The following SDHA variants were observed in gnomAD, a reference collection of about 807,000 sequenced individuals.
SDHA encodes succinate dehydrogenase complex flavoprotein subunit A, also known as succinate dehydrogenase [ubiquinone] flavoprotein subunit, mitochondrial.
In SDHA, 48 loss-of-function variants were observed where a neutral mutation model predicts 78.4. The ratio of observed to expected loss-of-function variants is 0.61; its 90% confidence interval spans 0.49 to 0.78. The LOEUF is 0.78. SDHA is among the 30% of genes least tolerant of loss of function. SDHA has a pLI of 0.00. For missense variants in SDHA, 680 were observed against 892.7 expected, an observed-to-expected ratio of 0.76 and a Z score of 3.04; for synonymous variants, 326 against 353.9, an observed-to-expected ratio of 0.92 and a Z score of 0.88.
the SDHA span, among the ~76,000 whole-genome samples, chr5:265,776 C>T: frequency 2.6e-5 from 4 of 151,394 alleles, no homozygotes; most frequent in African/African-American, 7.3e-5. Context: ...GCCAAGAGTG[C>T]GCCATTGCAC....
At chr5:237,633 C>T (rs1205998690) in intron 10 of SDHA, among the ~76,000 whole-genome samples, 1 of 133,676 alleles carries the variant, frequency 7.5e-6, no homozygotes, top group Non-Finnish European at 1.5e-5. Context: ...GACCCCAGGC[C>T]CATGTTCTTC....
intron 1 of SDHA, among the ~76,000 whole-genome samples, chr5:221,190 A>G (rs1264296318): frequency 6.6e-6 from 1 of 152,240 alleles, no homozygotes; most frequent in Non-Finnish European, 1.5e-5. Context: ...CGCAGTTGTA[A>G]AAGAATCAAT....
At chr5:223,458 G>T (rs917143319) in intron 1 of SDHA, 24 bp from the exon 2 acceptor site, 1 of 1,542,946 alleles carries the variant, frequency 6.5e-7, no homozygotes, top group African/African-American at 1.4e-5. Context: ...TAACCCTCTG[G>T]ATCTGTGTCT....
Position 253,838 on chromosome 5 carries a change from A to G in SDHA, c.1795-555A>G, listed in dbSNP as rs569714397. ...GCATTTGGGAGGCTGAGGCAGGCCA[A>G]TGACTTGAGCCCCAGAGTTGTAGAC... On this transcript the variant is annotated intron_variant, in intron 13 of 14. Transcript: ENST00000264932. 1.3e-4 allele frequency among the ~76,000 whole-genome samples: 20 copies of G among 152,276 alleles called. No individual in the cohort carries two copies. In the East Asian group the frequency reaches 3.3e-3, roughly 25 times the overall value.
intron 8 of SDHA, chr5:234,012 C>T (rs1735594737): frequency 3.3e-5 from 10 of 305,242 alleles, no homozygotes; most frequent in South Asian, 3.2e-4. Context: ...ATTTGGCTTT[C>T]AGTAAAACAG....
In SDHA at chr5:224,666, G is replaced by A. The variant is rs1325180129; in HGVS notation, c.312+145G>A. 7 of 831,976 alleles carry A rather than the reference G, an allele frequency of 8.4e-6. No homozygotes were observed. In the East Asian group the frequency reaches 1.0e-4, roughly 12 times the overall value. The allele number at this position is 831,976 out of a possible 1,614,324, so 51.5% of individuals were successfully genotyped here. On this transcript the variant is annotated intron_variant, in intron 3 of 14. Coordinates refer to ENST00000264932, the MANE Select transcript of SDHA (RefSeq NM_004168.4). ...GCCTTACTCAGCTCACCCTCTCAGG[G>A]GTCTCTCCCTGGAGCCTCTTCCCTG...
At chr5:264,380 C>A in the SDHA span, among the ~76,000 whole-genome samples, 1 of 152,046 alleles carries the variant, frequency 6.6e-6, no homozygotes, top group Non-Finnish European at 1.5e-5. Flanking sequence ...TGAAGGGAAG[C>A]GGGAGGTAAG....
chr5:250,599 G>A, intron 11 of SDHA: 1 of 343,862 alleles, frequency 2.9e-6, no homozygotes, highest in Non-Finnish European at 5.7e-6. Context: ...AGGGCTGCTG[G>A]CTTGTGTCAC....
In SDHA at chr5:243,772, A is replaced by C. The variant is rs554777985; in HGVS notation, c.1551+3296A>C. Among the ~76,000 whole-genome samples, 9 of 152,308 alleles carry C rather than the reference A, an allele frequency of 5.9e-5. No individual in the cohort carries two copies. The South Asian group carries it at 1.9e-3, about 32-fold the overall frequency. ...GGCTGCTCTGTGACCTATCAGAGGG[A>C]AAGCACACTTAGTTGATTATATCAA... On this transcript the variant is annotated intron_variant, in intron 11 of 14. Coordinates refer to ENST00000264932, the MANE Select transcript of SDHA (RefSeq NM_004168.4).
At chr5:222,350 CTTTTT>C (rs750198454) in intron 1 of SDHA, among the ~76,000 whole-genome samples, 13 of 135,412 alleles carry the variant, frequency 9.6e-5, no homozygotes, top group African/African-American at 2.6e-4. Flanking sequence ...TTTTTCTTTT[CTTTTT>C]TTTTTTTTTG....
At chr5:254,204 C>T (rs1737031457) in intron 13 of SDHA, among the ~76,000 whole-genome samples, 189 bp from the exon 14 acceptor site, 1 of 146,776 alleles carries the variant, frequency 6.8e-6, no homozygotes, top group Non-Finnish European at 1.5e-5. Flanking sequence ...CTGCTGGCTG[C>T]ACACCCCCTG....
chr5:244,799 T>C lies in SDHA; in HGVS notation c.1551+4323T>C, dbSNP rs534148875. ...TATTCAATGATAACTTCTGTACCTA[T>C]AAATTTATGGGGAAGAGATTTATTA... On this transcript the variant is annotated intron_variant, in intron 11 of 14. Coordinates refer to ENST00000264932, the MANE Select transcript of SDHA (RefSeq NM_004168.4). Among the ~76,000 whole-genome samples the C allele has an allele frequency of 2.6e-5, 4 of 152,312 alleles. No homozygotes were observed. In the East Asian group the frequency reaches 7.7e-4, roughly 29 times the overall value.
intron 1 of SDHA, among the ~76,000 whole-genome samples, chr5:222,957 A>G (rs6878061): frequency 0.24 from 36,572 of 152,116 alleles, 6,862 homozygotes; most frequent in African/African-American, 0.53. Flanking sequence ...TCGTCCCTCT[A>G]GGCTGTCAGC....
intron 9 of SDHA, chr5:235,735 C>A (rs927558604): frequency 2.8e-6 from 1 of 352,206 alleles, no homozygotes; most frequent in Non-Finnish European, 5.5e-6. Flanking sequence ...GCTCTCCCTG[C>A]GTAGACGAAG....
intron 14 of SDHA, among the ~76,000 whole-genome samples, chr5:255,215 T>C (rs796925941): frequency 2.1e-5 from 3 of 145,250 alleles, no homozygotes; most frequent in African/African-American, 5.5e-5. Context: ...GATTCAGAAA[T>C]AATGAAGATA....
chr5:220,189 G>A, intron 1 of SDHA: 1 of 378,590 alleles, frequency 2.6e-6, no homozygotes, highest in South Asian at 1.8e-5. Context: ...CTGCTTTCAA[G>A]TGACGAACTT....
At chr5:223,165 A>G (rs1734814413) in intron 1 of SDHA, among the ~76,000 whole-genome samples, 1 of 152,264 alleles carries the variant, frequency 6.6e-6, no homozygotes, top group South Asian at 2.1e-4. Flanking sequence ...AGTAGCATAC[A>G]TTAAGACTTC....
rs138265892 is a variant in SDHA at position 233,567 on chromosome 5, G to A, written c.986G>A (p.Arg329Gln). The part of the protein sequence containing the change: ...INSQGERFME[R>Q]YAPVAKDLAS... The stretch of plus-strand genomic sequence containing the variant: ...AGTCAAGGCGAAAGGTTTATGGAGC[G>A]ATACGCCCCTGTCGCGAAGGACCTG... Residue 329 changes from arginine (R) to glutamine (Q), a missense_variant, in exon 8 of 15, where the codon CGA (arginine) becomes CAA (glutamine). Coordinates refer to ENST00000264932, the MANE Select transcript of SDHA (RefSeq NM_004168.4). 18 of 1,614,062 alleles carry A rather than the reference G, an allele frequency of 1.1e-5. No individual in the cohort carries two copies. The highest frequency in any genetic ancestry group is 1.7e-5 in the Admixed American group (1 of 60,008).
intron 1 of SDHA, among the ~76,000 whole-genome samples, chr5:221,306 G>A (rs1213808809): frequency 1.3e-5 from 2 of 152,138 alleles, no homozygotes; most frequent in African/African-American, 4.8e-5. Flanking sequence ...GGATATGCAG[G>A]TGCATTTTTA....
Sources: allele counts gnomAD v4.1 joint callset (sites outside exome capture counted in the v4.1 genomes callset), GRCh38; gene constraint gnomAD v4.1.1; transcripts MANE v1.5; gene names NCBI Gene and HGNC (gene_info 2026-07-23, HGNC 2026-07-21).